LY75: variants seen among roughly 807,000 people sequenced by gnomAD.
LY75 encodes the protein C-type lectin domain family 13 member B.
Under a neutral mutation model 231.7 loss-of-function variants are expected in LY75, and 185 were observed. That is an observed-to-expected ratio of 0.80 (90% CI 0.71 to 0.90). LY75 has a LOEUF of 0.90. LY75 is among the 40% of genes least tolerant of loss of function. LY75 has a pLI of 0.00. For synonymous variants in LY75, 668 were observed against 689.0 expected, an observed-to-expected ratio of 0.97 and a Z score of 0.48; for missense variants, 1,947 against 2,050.2, an observed-to-expected ratio of 0.95 and a Z score of 0.97.
chr2:159,805,795 T>C (rs1682774123), intron 34 of LY75, among the ~76,000 whole-genome samples: 1 of 152,200 alleles, frequency 6.6e-6, no homozygotes, highest in African/African-American at 2.4e-5. Context: ...TAACTCAAAA[T>C]GGCCAACGTA....
At chr2:159,806,847 T>G in intron 34 of LY75, 126 bp downstream of exon 34, 1 of 1,151,866 alleles carries the variant, frequency 8.7e-7, no homozygotes. Flanking sequence ...TTAATCAAGA[T>G]AGTTGGATAT....
intron 22 of LY75, 51 bp from the exon 23 acceptor site, chr2:159,850,191 A>T: frequency 6.4e-7 from 1 of 1,553,042 alleles, no homozygotes; most frequent in Non-Finnish European, 8.7e-7. Context: ...AATTAAAGAT[A>T]CATTAAAAAT....
Position 159,805,104 on chromosome 2 carries a change from T to G in LY75, c.5109A>C (p.Ser1703=). The G allele has an allele frequency of 1.2e-6, 2 of 1,614,128 alleles. No individual in the cohort carries two copies. The highest frequency in any genetic ancestry group is 1.7e-6 in the Non-Finnish European group (2 of 1,179,982). The change falls in exon 35 of 35, where the codon TCA becomes TCC. Residue 1703 remains serine (S), a synonymous_variant. Coordinates refer to ENST00000263636, the MANE Select transcript of LY75 (RefSeq NM_002349.4). Reference sequence around the variant, plus strand: ...CATTCACTCCTTGTGCATATCGAACTGATGAGAAACCCGCCAGGTGCAAAC... The same window carrying G: ...CATTCACTCCTTGTGCATATCGAACGGATGAGAAACCCGCCAGGTGCAAAC... The part of the protein sequence containing the change: ...RHRLHLAGFS[S]VRYAQGVNED...
In LY75 at chr2:159,893,499, C is replaced by T. The variant is rs1191876443; in HGVS notation, c.637+415G>A. ...TACATAAATTTGTTGCAATTTTGTC[C>T]TTTGCCAACTGTCTCTTCTTCTGCT... On this transcript the variant is annotated intron_variant, in intron 3 of 34. Transcript: ENST00000263636. Among the ~76,000 whole-genome samples the T allele has an allele frequency of 5.3e-5, 8 of 152,258 alleles. 1 individual carries two copies. The East Asian group carries it at 1.3e-3, about 26-fold the overall frequency.
chr2:159,859,668 C>T (rs1684643034), intron 15 of LY75, among the ~76,000 whole-genome samples: 1 of 152,062 alleles, frequency 6.6e-6, no homozygotes, highest in South Asian at 2.1e-4. Flanking sequence ...AGTACCAGAC[C>T]CAGACACACA....
At chr2:159,889,050 T>G (rs1401616588) in intron 4 of LY75, among the ~76,000 whole-genome samples, 4 of 152,160 alleles carry the variant, frequency 2.6e-5, no homozygotes, top group Non-Finnish European at 5.9e-5. Flanking sequence ...ACTCAGTAAC[T>G]TAGGTTCCTT....
chr2:159,868,903 G>A (rs894961646), intron 13 of LY75, among the ~76,000 whole-genome samples: 1 of 152,120 alleles, frequency 6.6e-6, no homozygotes, highest in Non-Finnish European at 1.5e-5. Context: ...TACATGTCAG[G>A]AAGTATTGGT....
intron 3 of LY75, among the ~76,000 whole-genome samples, chr2:159,891,477 C>G (rs749197037): frequency 3.3e-5 from 5 of 152,170 alleles, no homozygotes; most frequent in Non-Finnish European, 5.9e-5. Flanking sequence ...ACTTGTAAAT[C>G]CAGAAGCTTC....
chr2:159,860,357 A>G (rs1168199246), intron 15 of LY75, among the ~76,000 whole-genome samples: 4 of 152,210 alleles, frequency 2.6e-5, no homozygotes, highest in African/African-American at 9.6e-5. Flanking sequence ...TATCAAGGAC[A>G]GCACCAATGA....
At chr2:159,813,902 G>A (rs1198430385) in intron 31 of LY75, 4 of 152,134 alleles carry the variant, frequency 2.6e-5, no homozygotes, top group Admixed American at 2.0e-4. Context: ...TATTCCAATT[G>A]TTTTTCTAAA....
intron 28 of LY75, among the ~76,000 whole-genome samples, chr2:159,825,970 C>G (rs1683454434): frequency 6.6e-6 from 1 of 152,142 alleles, no homozygotes. Flanking sequence ...ATAATAAGAG[C>G]TATTCATGAT....
chr2:159,850,541 T>C, intron 21 of LY75, 74 bp from the exon 22 acceptor site: 1 of 1,582,688 alleles, frequency 6.3e-7, no homozygotes, highest in East Asian at 2.3e-5. Context: ...AAATGCTTCA[T>C]CTTTTAGAGG....
intron 29 of LY75, among the ~76,000 whole-genome samples, chr2:159,818,212 A>T (rs1683181403): frequency 6.6e-6 from 1 of 152,158 alleles, no homozygotes; most frequent in Non-Finnish European, 1.5e-5. Flanking sequence ...CAACATAGTG[A>T]CTTCCTTGGA....
chr2:159,889,180 A>G (rs1574596368), intron 4 of LY75, among the ~76,000 whole-genome samples: 2 of 152,276 alleles, frequency 1.3e-5, no homozygotes, highest in Middle Eastern at 6.8e-3. Context: ...TAAATAGAAA[A>G]GCATATCATT....
At chr2:159,873,749 G>A (rs1216177858) in intron 12 of LY75, among the ~76,000 whole-genome samples, 2 of 90,824 alleles carry the variant, frequency 2.2e-5, no homozygotes, top group African/African-American at 8.2e-5. Context: ...TATACATTTT[G>A]TAAAAATATA....
At chr2:159,882,907 C>T (rs1247117951) in intron 6 of LY75, among the ~76,000 whole-genome samples, 1 of 152,000 alleles carries the variant, frequency 6.6e-6, no homozygotes, top group Non-Finnish European at 1.5e-5. Flanking sequence ...GACAGATGGT[C>T]CTCATGGAAT....
Position 159,853,309 on chromosome 2 carries a change from C to G in LY75, c.2707G>C (p.Glu903Gln). The G allele has an allele frequency of 6.2e-7, 1 of 1,613,428 alleles. No homozygotes were observed. Among genetic ancestry groups the G allele is most frequent in the Non-Finnish European group, 8.5e-7 (1 of 1,179,520 alleles). ...GTCTTGGCAGACATGTACAAGCATT[C>G]CTCTCCAAATGTCACAGGAAAGCGG... ...WHRFPVTFGE[E>Q]CLYMSAKTWL... is the part of the protein sequence containing the mutation. Residue 903 changes from glutamate to glutamine, a missense_variant, in exon 20 of 35, where the codon GAA (glutamate) becomes CAA (glutamine). Glu to Gln is a conservative substitution (Grantham distance 29). Transcript: ENST00000263636.
rs1684425546 is a variant in LY75 at position 159,852,358 on chromosome 2, A to G, written c.2744-18T>C. 1 of 1,608,468 alleles carries G rather than the reference A, an allele frequency of 6.2e-7. No homozygotes were observed. Among genetic ancestry groups the G allele is most frequent in the Non-Finnish European group, 8.5e-7 (1 of 1,177,444 alleles). ...ACCTAAGTCTGAGAAATGAAAAGCC[A>G]GGATTACTATGGTGAGAATTTTTCA... On this transcript the variant is annotated intron_variant, in intron 20 of 34. Transcript: ENST00000263636.
In LY75 at chr2:159,816,932, T is replaced by C. The variant is rs752039507; in HGVS notation, c.4254A>G (p.Ala1418=). Reference sequence around the variant, plus strand: ...CTCCACTTTGAGAACACATGTTTAATGCTTCATACCATGTTACCTTTTTTT... The same window carrying C: ...CTCCACTTTGAGAACACATGTTTAACGCTTCATACCATGTTACCTTTTTTT... ...VIQKKVTWYE[A]LNMCSQSGGH... is the part of the protein sequence containing the mutation. Residue 1418 remains alanine, a synonymous_variant, in exon 30 of 35, where the codon GCA becomes GCG. Transcript: ENST00000263636. 1.1e-5 allele frequency: 18 copies of C among 1,614,220 alleles called. No individual in the cohort carries two copies. The highest frequency in any genetic ancestry group is 1.5e-5 in the Non-Finnish European group (18 of 1,180,030).
Sources: allele counts gnomAD v4.1 joint callset (sites outside exome capture counted in the v4.1 genomes callset), GRCh38; gene constraint gnomAD v4.1.1; transcripts MANE v1.5; gene names NCBI Gene and HGNC (gene_info 2026-07-23, HGNC 2026-07-21).